Variants in GALNT13 observed in about 807,000 individuals in gnomAD.
The protein encoded by GALNT13 is UDP-GalNAc:polypeptide N-acetylgalactosaminyltransferase 13.
GALNT13 carries 28 observed loss-of-function variants against 64.2 expected under a neutral mutation model. The ratio of observed to expected loss-of-function variants is 0.44; its 90% CI spans 0.32 to 0.60. The LOEUF is 0.60. Ranked by LOEUF, GALNT13 falls within the 20% of genes least tolerant of loss-of-function variation. The pLI is 0.05. For missense variants in GALNT13, 577 were observed against 669.8 expected (o/e 0.86, Z 1.53); for synonymous variants, 214 against 224.6 (o/e 0.95, Z 0.42).
At chr2:153,152,537 A>G in the GALNT13 span, among the ~76,000 whole-genome samples, 6 of 151,738 alleles carry the variant, frequency 4.0e-5, no homozygotes, top group Admixed American at 1.3e-4. Flanking sequence ...CCTAGTACCC[A>G]TTAGTATCCT....
chr2:153,258,402 A>AACAAG, the GALNT13 span, among the ~76,000 whole-genome samples: 12 of 151,620 alleles, frequency 7.9e-5, no homozygotes, highest in African/African-American at 2.4e-4. Context: ...AACAAAACAA[A>AACAAG]ACCCAACTTT....
intron 3 of GALNT13, among the ~76,000 whole-genome samples, chr2:154,063,916 C>T (rs1014578019): frequency 6.6e-6 from 1 of 152,110 alleles, no homozygotes; most frequent in Admixed American, 6.5e-5. Flanking sequence ...TCATAAGAAC[C>T]ACCAGTCAGG....
the GALNT13 span, among the ~76,000 whole-genome samples, chr2:153,469,806 AC>A: frequency 6.6e-6 from 1 of 152,190 alleles, no homozygotes. Flanking sequence ...CATAAAATTT[AC>A]CATTTCATAT....
chr2:153,637,646 A>G, the GALNT13 span, among the ~76,000 whole-genome samples: 1 of 152,144 alleles, frequency 6.6e-6, no homozygotes, highest in Non-Finnish European at 1.5e-5. Context: ...ATTTTATTCT[A>G]TATGCAGAAT....
At chr2:153,478,614 A>G in the GALNT13 span, 3 of 1,439,898 alleles carry the variant, frequency 2.1e-6, no homozygotes, top group South Asian at 2.8e-5. Flanking sequence ...AGGGGTGGGA[A>G]GGCGGCGGCG....
the GALNT13 span, among the ~76,000 whole-genome samples, chr2:153,257,560 A>C: frequency 1.3e-5 from 2 of 152,160 alleles, no homozygotes; most frequent in African/African-American, 4.8e-5. Context: ...TTCAAATAGA[A>C]GACTGAAATA....
At chr2:153,842,832 A>T in the GALNT13 span, among the ~76,000 whole-genome samples, 1 of 152,162 alleles carries the variant, frequency 6.6e-6, no homozygotes, top group East Asian at 1.9e-4. Flanking sequence ...ATGTCTTAGA[A>T]CATATATGAC....
At chr2:153,641,473 T>C in the GALNT13 span, among the ~76,000 whole-genome samples, 1 of 152,180 alleles carries the variant, frequency 6.6e-6, no homozygotes, top group Non-Finnish European at 1.5e-5. Context: ...TCCTTTAACC[T>C]GAAGGTATTG....
At chr2:153,938,009 T>G (rs899062099) in intron 2 of GALNT13, among the ~76,000 whole-genome samples, 1 of 152,204 alleles carries the variant, frequency 6.6e-6, no homozygotes, top group East Asian at 1.9e-4. Context: ...AGTAGATGGA[T>G]GTAGGGATAC....
chr2:153,501,076 A>G, the GALNT13 span, among the ~76,000 whole-genome samples: 1 of 80,700 alleles, frequency 1.2e-5, no homozygotes, highest in East Asian at 9.5e-4. Context: ...AAAAAAAAAA[A>G]TATATAAATT....
the GALNT13 span, among the ~76,000 whole-genome samples, chr2:153,184,210 G>A: frequency 2.6e-5 from 4 of 152,042 alleles, no homozygotes; most frequent in Admixed American, 6.6e-5. Flanking sequence ...TGTATTCCTA[G>A]GTATTTTATT....
chr2:153,860,767 C>T, the GALNT13 span, among the ~76,000 whole-genome samples: 4 of 152,130 alleles, frequency 2.6e-5, no homozygotes, highest in African/African-American at 9.7e-5. Context: ...CTATGACCAA[C>T]GTGACAAAAG....
chr2:154,428,271 C>G (rs1380909402), intron 11 of GALNT13, among the ~76,000 whole-genome samples: 1 of 152,266 alleles, frequency 6.6e-6, no homozygotes, highest in African/African-American at 2.4e-5. Flanking sequence ...CTAAGCAGCT[C>G]GGACATATTG....
At chr2:153,173,768 C>G in the GALNT13 span, among the ~76,000 whole-genome samples, 2 of 152,160 alleles carry the variant, frequency 1.3e-5, no homozygotes, top group Non-Finnish European at 2.9e-5. Context: ...CATCTAAACA[C>G]TATCAAATCA....
chr2:153,362,270 C>T, the GALNT13 span, among the ~76,000 whole-genome samples: 3 of 151,938 alleles, frequency 2.0e-5, no homozygotes, highest in Non-Finnish European at 4.4e-5. Flanking sequence ...AAAAACACAC[C>T]AAAATAAAAA....
chr2:153,379,519 A>G, the GALNT13 span, among the ~76,000 whole-genome samples: 1 of 152,184 alleles, frequency 6.6e-6, no homozygotes, highest in Non-Finnish European at 1.5e-5. Context: ...CTTTGTCTTC[A>G]AAATAATGCA....
chr2:154,109,925 G>C (rs1045478777), intron 3 of GALNT13, among the ~76,000 whole-genome samples: 8 of 150,562 alleles, frequency 5.3e-5, no homozygotes, highest in Non-Finnish European at 1.2e-4. Flanking sequence ...CCTCTAATTT[G>C]TGCACATGTG....
chr2:153,952,869 C>G (rs1417133543), intron 3 of GALNT13, among the ~76,000 whole-genome samples: 1 of 152,146 alleles, frequency 6.6e-6, no homozygotes, highest in East Asian at 1.9e-4. Context: ...AGTCCAAAAG[C>G]TGAAGAACTT....
At chr2:154,136,355 A>G (rs1682947792) in intron 3 of GALNT13, among the ~76,000 whole-genome samples, 1 of 152,164 alleles carries the variant, frequency 6.6e-6, no homozygotes, top group African/African-American at 2.4e-5. Context: ...TAAAATTATT[A>G]CTTTAAAATC....
Sources: gnomAD v4.1 joint callset for allele counts (sites outside exome capture counted in the v4.1 genomes callset) on GRCh38, gnomAD v4.1.1 for gene constraint, MANE v1.5 for transcripts, NCBI Gene and HGNC (gene_info 2026-07-23, HGNC 2026-07-21) for gene names.